Variants in UGT1A4 observed in about 807,000 individuals in gnomAD.
UGT1A4 encodes UDP-glucuronosyltransferase 1A4.
Under a neutral mutation model 41.1 loss-of-function variants are expected in UGT1A4, and 32 were observed. The ratio of observed to expected loss-of-function variants is 0.78; its 90% confidence interval spans 0.59 to 1.05. The LOEUF is 1.05. UGT1A4 is among the 50% of genes least tolerant of loss of function. The pLI is 0.00. For synonymous variants in UGT1A4, 283 were observed against 265.1 expected (o/e 1.07, Z -0.66); for missense variants, 748 against 677.4 (o/e 1.10, Z -1.16).
rs192915169 is a variant in UGT1A4, at chr2:233,741,002, A to C, written c.867+21315A>C. ...CTGGGAATGCTGAGGAGGAAGGATC[A>C]CTTGAGCCCAGGAATTCGTGGTTAC... is the stretch of plus-strand genomic sequence containing the variant. On this transcript the variant is annotated intron_variant, in intron 1 of 4. Transcript: ENST00000373409. The C allele has an allele frequency of 3.0e-4, 45 of 151,886 alleles. 2 individuals are homozygous for C. The highest frequency in any genetic ancestry group is 1.0e-3 in the African/African-American group (41 of 41,190). 9.4% of individuals were successfully genotyped at this position (151,886 alleles called of 1,614,324 possible). A position where few individuals can be genotyped will look rare whatever the true frequency, so the allele number is the denominator to read the frequency against.
At chr2:233,762,169 G>A (rs1019594932) in intron 1 of UGT1A4, among the ~76,000 whole-genome samples, 34 of 152,020 alleles carry the variant, frequency 2.2e-4, no homozygotes, top group Non-Finnish European at 2.4e-4. Flanking sequence ...CACTGTATGC[G>A]GCGTCCTCAA....
At chr2:233,729,319 G>A in intron 1 of UGT1A4, 1 of 1,614,228 alleles carries the variant, frequency 6.2e-7, no homozygotes. Context: ...CACCCCAGAG[G>A]TGAATATGCA....
At chr2:233,730,613 G>C (rs1454743444) in intron 1 of UGT1A4, among the ~76,000 whole-genome samples, 2 of 152,156 alleles carry the variant, frequency 1.3e-5, no homozygotes. Context: ...AGATTTTCTG[G>C]TCAGGATTTG....
intron 1 of UGT1A4, chr2:233,761,084 G>A: frequency 6.2e-7 from 1 of 1,614,126 alleles, no homozygotes; most frequent in Non-Finnish European, 8.5e-7. Context: ...GATTACCCTA[G>A]GCCCATCATG....
intron 1 of UGT1A4, among the ~76,000 whole-genome samples, chr2:233,765,265 C>G (rs1223500650): frequency 6.6e-6 from 1 of 152,098 alleles, no homozygotes; most frequent in Non-Finnish European, 1.5e-5. Context: ...GGTATATACC[C>G]AAAGAAATAT....
chr2:233,762,827 TA>T (rs922323260), intron 1 of UGT1A4, among the ~76,000 whole-genome samples: 2 of 152,162 alleles, frequency 1.3e-5, no homozygotes, highest in African/African-American at 2.4e-5. Flanking sequence ...ATTTTCATAA[TA>T]AAAAATAATA....
rs1004907287 is a variant in UGT1A4 at position 233,772,662 on chromosome 2, T to C, written c.*103T>C. 14 of 1,540,212 alleles carry C rather than the reference T, an allele frequency of 9.1e-6. No individual in the cohort carries two copies. The highest frequency in any genetic ancestry group is 8.3e-5 in the African/African-American group (6 of 72,644). On this transcript the variant is annotated 3_prime_UTR_variant, in exon 5 of 5. Coordinates refer to ENST00000373409, the MANE Select transcript of UGT1A4 (RefSeq NM_007120.3). ...ATTCATTTTATTCTTATTAAGGAAA[T>C]ACTTTGCATAAATTAATCAGCCCCA...
At chr2:233,748,029 A>G in intron 1 of UGT1A4, 5 of 1,613,446 alleles carry the variant, frequency 3.1e-6, no homozygotes, top group East Asian at 2.2e-5. Context: ...CATGCCCAAC[A>G]TGGTCTTCAT....
intron 1 of UGT1A4, among the ~76,000 whole-genome samples, chr2:233,759,429 C>A (rs1193069176): frequency 1.3e-5 from 2 of 152,114 alleles, no homozygotes; most frequent in Admixed American, 6.5e-5. Context: ...GGCCAGTTGG[C>A]TCTATTTTAA....
intron 1 of UGT1A4, among the ~76,000 whole-genome samples, chr2:233,761,810 G>A (rs147752655): frequency 5.2e-4 from 79 of 152,328 alleles, no homozygotes; most frequent in African/African-American, 1.8e-3. Context: ...GAAAAGAACA[G>A]GAGAGGCTCC....
intron 1 of UGT1A4, chr2:233,740,831 T>A (rs1418284400): frequency 1.3e-5 from 2 of 151,936 alleles, no homozygotes; most frequent in East Asian, 3.8e-4. Flanking sequence ...GCTGAGACAT[T>A]TTAAAAGGAG....
In UGT1A4 at chr2:233,743,654, T is replaced by A. The variant is rs777818492; in HGVS notation, c.868-23380T>A. The A allele has an allele frequency of 2.2e-6, 3 of 1,367,166 alleles. No homozygotes were observed. In the East Asian group the frequency reaches 1.4e-4, roughly 62 times the overall value. 84.7% of individuals were successfully genotyped at this position (1,367,166 alleles called of 1,614,324 possible). A position where few individuals can be genotyped will look rare whatever the true frequency, so the allele number is the denominator to read the frequency against. ...TGGGTCGCGGAAGCTGAAGACGTAC[T>A]CGAAGGGGTCCTCGAAGGGCCTGCC... is the stretch of plus-strand genomic sequence containing the variant. On this transcript the variant is annotated intron_variant, in intron 1 of 4. Transcript: ENST00000373409.
At chr2:233,753,977 T>C (rs138478111) in intron 1 of UGT1A4, among the ~76,000 whole-genome samples, 15 of 152,322 alleles carry the variant, frequency 9.8e-5, no homozygotes, top group African/African-American at 3.4e-4. Context: ...ACGTGTGTTG[T>C]TTTAAGCCAC....
intron 1 of UGT1A4, chr2:233,747,375 G>C: frequency 6.2e-7 from 1 of 1,604,748 alleles, no homozygotes; most frequent in African/African-American, 1.3e-5. Flanking sequence ...CCATGCCAGA[G>C]GCCACCAGGC....
intron 1 of UGT1A4, among the ~76,000 whole-genome samples, chr2:233,752,970 T>C (rs1695100679): frequency 2.0e-5 from 3 of 152,220 alleles, no homozygotes; most frequent in South Asian, 2.1e-4. Context: ...ATGTAACCAA[T>C]TGTGTAGATA....
intron 4 of UGT1A4, among the ~76,000 whole-genome samples, chr2:233,771,772 C>T (rs536423324): frequency 2.8e-4 from 43 of 152,144 alleles, no homozygotes; most frequent in African/African-American, 1.0e-3. Flanking sequence ...CCGTCCCTCT[C>T]TCCTTTCCTC....
chr2:233,763,286 C>G (rs1023575822), intron 1 of UGT1A4, among the ~76,000 whole-genome samples: 3 of 152,120 alleles, frequency 2.0e-5, no homozygotes, highest in Non-Finnish European at 2.9e-5. Context: ...ATCTGAAATT[C>G]CACTTTTTGG....
In UGT1A4 at chr2:233,756,891, T is replaced by C. The variant is rs11568316; in HGVS notation, c.868-10143T>C. ...TATTAGGTGTAATGAGGATGTGTTA[T>C]CTCACCAGAACAAACTTCTGAGTTT... On this transcript the variant is annotated intron_variant, in intron 1 of 4. Coordinates refer to ENST00000373409, the MANE Select transcript of UGT1A4 (RefSeq NM_007120.3). 4.5e-3 allele frequency among the ~76,000 whole-genome samples: 679 copies of C among 152,202 alleles called. 6 individuals carry two copies. Among genetic ancestry groups the C allele is most frequent in the African/African-American group, 0.016 (644 of 41,534 alleles).
At chr2:233,754,790 T>C (rs1308374413) in intron 1 of UGT1A4, 13 of 1,196,884 alleles carry the variant, frequency 1.1e-5, no homozygotes, top group Non-Finnish European at 1.4e-5. Context: ...AGGAACGAAA[T>C]CCTGTATCAA....
Sources: allele counts gnomAD v4.1 joint callset (sites outside exome capture counted in the v4.1 genomes callset), GRCh38; gene constraint gnomAD v4.1.1; transcripts MANE v1.5; gene names NCBI Gene and HGNC (gene_info 2026-07-23, HGNC 2026-07-21).